CACNA1B: variants seen among roughly 807,000 people sequenced by gnomAD.
The protein encoded by CACNA1B is calcium voltage-gated channel subunit alpha1 B.
In CACNA1B, 70 loss-of-function variants were observed where a neutral mutation model predicts 247.2. That is an observed-to-expected ratio of 0.28 (90% confidence interval 0.23 to 0.35). The LOEUF (loss-of-function observed/expected upper bound fraction) is 0.35. Ranked by LOEUF, CACNA1B falls within the 10% of genes least tolerant of loss-of-function variation. CACNA1B has a pLI of 1.00. For missense variants in CACNA1B, 2,367 were observed against 3,197.4 expected, an observed-to-expected ratio of 0.74 and a Z score of 6.26; for synonymous variants, 1,231 against 1,294.4, an observed-to-expected ratio of 0.95 and a Z score of 1.05.
At position 138,121,118 on chromosome 9, in the gene CACNA1B, C is replaced by G. The variant is rs1457646180; in HGVS notation, c.6489+237C>G. Among the ~76,000 whole-genome samples the G allele has an allele frequency of 6.6e-6, 1 of 152,200 alleles. No homozygotes were observed. Among genetic ancestry groups the G allele is most frequent in the African/African-American group, 2.4e-5 (1 of 41,442 alleles). ...CACCCTGGGACAGTGGTTCTGCGTC[C>G]TATCCACTTTCGGACCTGGGCCCCC... is the stretch of plus-strand genomic sequence containing the variant. On this transcript the variant is annotated intron_variant, in intron 46 of 46. Transcript: ENST00000371372. The surrounding 1 kb of genome is among the most constrained non-coding windows in gnomAD (Gnocchi z 6.8).
At position 138,012,813 on chromosome 9, in the gene CACNA1B, T is replaced by C. The variant is rs1020136476; in HGVS notation, c.2161-316T>C. ...GTTAGAGCTCAGAGTAAGGTCAGGA[T>C]AGCACAGAGGTGAGGCCGTCGCCTC... On this transcript the variant is annotated intron_variant, in intron 17 of 46. Transcript: ENST00000371372. The surrounding 1 kb of genome is among the most constrained non-coding windows in gnomAD (Gnocchi z 4.2). Among the ~76,000 whole-genome samples, 2 of 151,672 alleles carry C rather than the reference T, an allele frequency of 1.3e-5. No homozygotes were observed. Among genetic ancestry groups the C allele is most frequent in the Non-Finnish European group, 2.9e-5 (2 of 67,966 alleles).
intron 31 of CACNA1B, among the ~76,000 whole-genome samples, chr9:138,063,966 C>T (rs1486147038): frequency 2.0e-5 from 3 of 152,152 alleles, no homozygotes; most frequent in Non-Finnish European, 4.4e-5. Context: ...TGTCGAGGAG[C>T]CAGTGTGGTG....
In CACNA1B at chr9:137,973,156, T is replaced by TGG. The variant is rs1277046047; in HGVS notation, c.1543+1565_1543+1566dup. ...CATCTGCTGTGTGCGAGCACAGGGCTGGCAGTGTCCAGGCGTTGGTGAGGC... is the reference window on the plus strand; with the variant it reads ...CATCTGCTGTGTGCGAGCACAGGGCTGGGGCAGTGTCCAGGCGTTGGTGAGGC... On this transcript the variant is annotated intron_variant, in intron 11 of 46. Coordinates refer to ENST00000371372, the MANE Select transcript of CACNA1B (RefSeq NM_000718.4). This position sits in a 1 kb window ranked among gnomAD's most constrained non-coding sequence, Gnocchi z 4.1. Among the ~76,000 whole-genome samples the TGG allele has an allele frequency of 1.3e-5, 2 of 152,198 alleles. No homozygotes were observed. Among genetic ancestry groups the TGG allele is most frequent in the African/African-American group, 4.8e-5 (2 of 41,454 alleles).
At chr9:137,924,066 A>T (rs1302889558) in intron 6 of CACNA1B, among the ~76,000 whole-genome samples, 1 of 152,114 alleles carries the variant, frequency 6.6e-6, no homozygotes, top group Admixed American at 6.5e-5. Flanking sequence ...TTATCTTTTC[A>T]TACTTTTCAC....
In CACNA1B at chr9:137,914,839, A is replaced by C. The variant is rs200521478; in HGVS notation, c.775+33A>C. 214 of 1,611,058 alleles carry C rather than the reference A, an allele frequency of 1.3e-4. No homozygotes were observed. The highest frequency in any genetic ancestry group is 2.5e-4 in the Admixed American group (15 of 59,864). On this transcript the variant is annotated intron_variant, in intron 5 of 46. Coordinates refer to ENST00000371372, the MANE Select transcript of CACNA1B (RefSeq NM_000718.4). The surrounding 1 kb of genome is among the most constrained non-coding windows in gnomAD (Gnocchi z 4.3). ...CAGGCAGCACCCTCCAGCACAGGCA[A>C]GTGCCACGGATGCGTTCATCCAGGA... is the stretch of plus-strand genomic sequence containing the variant.
rs1206267468 is a variant in CACNA1B, at chr9:137,950,683, G to A, written c.967-1591G>A. On this transcript the variant is annotated intron_variant, in intron 6 of 46. Transcript: ENST00000371372. This position sits in a 1 kb window ranked among gnomAD's most constrained non-coding sequence, Gnocchi z 4.8. ...GCTTTTGCTGGTACTTTTTTTGGTCGTCTGTGCCCCTTGGGCATTTCCAAA... is the reference window on the plus strand; with the variant it reads ...GCTTTTGCTGGTACTTTTTTTGGTCATCTGTGCCCCTTGGGCATTTCCAAA... 3.3e-5 allele frequency among the ~76,000 whole-genome samples: 5 copies of A among 152,136 alleles called. No individual in the cohort carries two copies. The highest frequency in any genetic ancestry group is 7.2e-5 in the African/African-American group (3 of 41,426).
At chr9:138,118,578 A>G in intron 43 of CACNA1B, 74 bp from the exon 44 acceptor site, 1 of 720,370 alleles carries the variant, frequency 1.4e-6, no homozygotes, top group Non-Finnish European at 2.4e-6. Context: ...TGCCTCATGG[A>G]GTGAGTCCGG....
intron 12 of CACNA1B, among the ~76,000 whole-genome samples, chr9:137,982,226 G>A (rs1408910711): frequency 6.6e-6 from 1 of 152,182 alleles, no homozygotes; most frequent in African/African-American, 2.4e-5. Flanking sequence ...TTTGGGGCTG[G>A]AGAATTCACT....
intron 31 of CACNA1B, among the ~76,000 whole-genome samples, chr9:138,060,482 T>C (rs1440655188): frequency 6.6e-6 from 1 of 152,166 alleles, no homozygotes; most frequent in African/African-American, 2.4e-5. Context: ...TGGGTCAGTG[T>C]GGGTCATCTC....
In CACNA1B at chr9:137,888,287, C is replaced by T. The variant is rs1156664595; in HGVS notation, c.530+5404C>T. ...ATCGGCGCAGGTGCCTTTCCCCTTCCGTGCCCCAGCCAGTCTCACGTGCAT... is the reference window on the plus strand; with the variant it reads ...ATCGGCGCAGGTGCCTTTCCCCTTCTGTGCCCCAGCCAGTCTCACGTGCAT... On this transcript the variant is annotated intron_variant, in intron 3 of 46. Transcript: ENST00000371372. This position sits in a 1 kb window ranked among gnomAD's most constrained non-coding sequence, Gnocchi z 4.7. Among the ~76,000 whole-genome samples the T allele has an allele frequency of 4.6e-5, 7 of 151,994 alleles. No individual in the cohort carries two copies. Among genetic ancestry groups the T allele is most frequent in the South Asian group, 2.1e-4 (1 of 4,820 alleles).
Position 138,121,861 on chromosome 9 carries a change from T to C in CACNA1B, c.6882T>C (p.Thr2294=). ...CCAACTCGGGCCGCTCCTCCAGGAC[T>C]TCCTACGTGTCCTCCCTGACCTCCC... ...VATNSGRSSR[T]SYVSSLTSQS... is the part of the protein sequence containing the mutation. Residue 2294 remains threonine, a synonymous_variant, in exon 47 of 47, where the codon ACT becomes ACC. Coordinates refer to ENST00000371372, the MANE Select transcript of CACNA1B (RefSeq NM_000718.4). The surrounding 1 kb of genome is among the most constrained non-coding windows in gnomAD (Gnocchi z 6.8). 1.2e-6 allele frequency: 2 copies of C among 1,613,350 alleles called. No individual in the cohort carries two copies. The highest frequency in any genetic ancestry group is 2.2e-5 in the South Asian group (2 of 91,088).
chr9:137,994,292 C>T (rs997093728), intron 15 of CACNA1B, among the ~76,000 whole-genome samples: 1 of 152,180 alleles, frequency 6.6e-6, no homozygotes, highest in Admixed American at 6.5e-5. Flanking sequence ...TGGAATAAGA[C>T]AAGGATGCCC....
rs373101834 is a variant in CACNA1B, at chr9:138,022,806, G to GGT, written c.2268-204_2268-203insTG. 8.2e-3 allele frequency among the ~76,000 whole-genome samples: 70 copies of GGT among 8,558 alleles called. 5 individuals are homozygous for GGT. The South Asian group carries it at 0.18, about 22-fold the overall frequency. The allele number at this position is 8,558 out of a possible 152,430, so 5.6% of individuals were successfully genotyped here. On this transcript the variant is annotated intron_variant, in intron 18 of 46. Coordinates refer to ENST00000371372, the MANE Select transcript of CACNA1B (RefSeq NM_000718.4). Reference sequence around the variant, plus strand: ...CCTTGCGGGTCCTGTGGGACACCGTGGGGGGGGGGGGCGGCGGGGCTGAAT... The same window carrying GGT: ...CCTTGCGGGTCCTGTGGGACACCGTGGTGGGGGGGGGGGCGGCGGGGCTGAAT...
intron 3 of CACNA1B, among the ~76,000 whole-genome samples, chr9:137,906,669 C>T (rs1443600033): frequency 6.6e-6 from 1 of 152,164 alleles, no homozygotes; most frequent in Non-Finnish European, 1.5e-5. Context: ...TGTTCCCCTG[C>T]ATGCCCATGT....
At chr9:138,022,953 C>T (rs1347494092) in intron 18 of CACNA1B, 58 bp from the exon 19 acceptor site, 6 of 1,446,304 alleles carry the variant, frequency 4.1e-6, no homozygotes, top group East Asian at 2.8e-5. Context: ...TGTGGCCTCC[C>T]TGGAGAGCGG....
intron 38 of CACNA1B, among the ~76,000 whole-genome samples, chr9:138,103,814 C>T (rs962530053): frequency 2.0e-5 from 3 of 152,248 alleles, no homozygotes; most frequent in South Asian, 2.1e-4. Flanking sequence ...CTCTCTGGTG[C>T]TGTGGACAGC....
chr9:138,008,179 G>C (rs1271620671), intron 16 of CACNA1B, among the ~76,000 whole-genome samples: 2 of 152,224 alleles, frequency 1.3e-5, no homozygotes, highest in African/African-American at 4.8e-5. Flanking sequence ...AGGCACCAAA[G>C]AAAGGCAGCC....
Position 138,122,324 on chromosome 9 carries a change from A to G in CACNA1B, c.*325A>G. ...CGTGTCCTGGGACTCAGCATCCAGC[A>G]TGGGTGCTTGGAGCCGTTGTGAGGA... is the stretch of plus-strand genomic sequence containing the variant. On this transcript the variant is annotated 3_prime_UTR_variant, in exon 47 of 47. Coordinates refer to ENST00000371372, the MANE Select transcript of CACNA1B (RefSeq NM_000718.4). The G allele has an allele frequency of 2.6e-6, 1 of 389,066 alleles. No individual in the cohort carries two copies. The highest frequency in any genetic ancestry group is 4.0e-5 in the South Asian group (1 of 24,770). 24.1% of individuals were successfully genotyped at this position (389,066 alleles called of 1,614,324 possible). A position where few individuals can be genotyped will look rare whatever the true frequency, so the allele number is the denominator to read the frequency against.
chr9:138,023,857 G>C (rs932097815), intron 19 of CACNA1B, 46 bp downstream of exon 19: 67 of 957,944 alleles, frequency 7.0e-5, no homozygotes, highest in Non-Finnish European at 9.5e-5. Context: ...GGTTGGCCGG[G>C]GCGGCGCGGG....
Sources: allele counts gnomAD v4.1 joint callset (sites outside exome capture counted in the v4.1 genomes callset), GRCh38; gene constraint gnomAD v4.1.1; non-coding constraint Gnocchi (gnomAD v3.1); transcripts MANE v1.5; gene names NCBI Gene and HGNC (gene_info 2026-07-23, HGNC 2026-07-21).